Variants in WDR44 observed in about 807,000 individuals in gnomAD.
WDR44 encodes WD repeat domain 44.
WDR44 carries 9 observed loss-of-function variants against 65.7 expected under a neutral mutation model. The observed-to-expected ratio is 0.14, with a 90% CI of 0.08 to 0.24. The LOEUF is 0.24. WDR44 is among the 10% of genes least tolerant of loss of function. WDR44 has a pLI of 1.00. For missense variants in WDR44, 425 were observed against 670.9 expected, an observed-to-expected ratio of 0.63 and a Z score of 4.05; for synonymous variants, 220 against 235.2, an observed-to-expected ratio of 0.94 and a Z score of 0.59.
intron 12 of WDR44, among the ~76,000 whole-genome samples, chrX:118,412,473 A>G (rs1302977979): frequency 9.0e-6 from 1 of 111,394 alleles, no homozygotes; most frequent in African/African-American, 3.3e-5. Flanking sequence ...TGAGACAGGG[A>G]GACCATGTAA....
intron 8 of WDR44, among the ~76,000 whole-genome samples, chrX:118,403,215 GA>G (rs758782574): frequency 8.9e-6 from 1 of 111,978 alleles, no homozygotes; most frequent in Non-Finnish European, 1.9e-5. Context: ...GACCATGGTT[GA>G]CTGGGGTAAC....
chrX:118,419,504 C>T (rs942266592), intron 12 of WDR44, among the ~76,000 whole-genome samples: 4 of 112,278 alleles, frequency 3.6e-5, no homozygotes, highest in Non-Finnish European at 7.5e-5. Context: ...CCCACTTCTG[C>T]AGTTTGGGCA....
In WDR44 at chrX:118,380,706, C is replaced by G. The variant is rs746169711; in HGVS notation, c.111+2254C>G. The stretch of plus-strand genomic sequence containing the variant: ...CAGTCTGATGGAAGAGACATGTATA[C>G]AAAAGGGCAATTTATGAGGTCTCGA... On this transcript the variant is annotated intron_variant, in intron 2 of 19. Transcript: ENST00000254029. 4.5e-5 allele frequency among the ~76,000 whole-genome samples: 5 copies of G among 111,596 alleles called. No homozygotes were observed. In the East Asian group the frequency reaches 1.4e-3, roughly 31 times the overall value.
chrX:118,379,981 A>G (rs2056700172), intron 2 of WDR44, among the ~76,000 whole-genome samples: 1 of 111,583 alleles, frequency 9.0e-6, no homozygotes, highest in Non-Finnish European at 1.9e-5. Flanking sequence ...TAGCGCTAAG[A>G]TATTTTTATA....
At chrX:118,403,360 A>C (rs2056936244) in intron 8 of WDR44, among the ~76,000 whole-genome samples, 1 of 111,305 alleles carries the variant, frequency 9.0e-6, no homozygotes, top group Non-Finnish European at 1.9e-5. Context: ...GCCAAGGGAG[A>C]GGTGTTCCAG....
intron 1 of WDR44, among the ~76,000 whole-genome samples, chrX:118,367,603 T>G (rs893119701): frequency 1.8e-5 from 2 of 111,785 alleles, no homozygotes; most frequent in African/African-American, 3.3e-5. Context: ...GAAACTTGGG[T>G]CCTAGTCTTC....
At chrX:118,443,796 G>GTGCTGGGATTA in intron 18 of WDR44, 109 bp downstream of exon 18, 1 of 845,576 alleles carries the variant, frequency 1.2e-6, no homozygotes, top group Non-Finnish European at 1.6e-6. Flanking sequence ...TGTAATCCCA[G>GTGCTGGGATTA]CACTTTGGGA....
chrX:118,447,476 T>A (rs1235130168), intron 19 of WDR44, among the ~76,000 whole-genome samples: 3 of 111,585 alleles, frequency 2.7e-5, no homozygotes, highest in Admixed American at 9.6e-5. Context: ...TCACAAAATA[T>A]ATTCAATTCC....
intron 19 of WDR44, among the ~76,000 whole-genome samples, chrX:118,448,656 A>G (rs1345982240): frequency 9.0e-6 from 1 of 111,427 alleles, no homozygotes; most frequent in Non-Finnish European, 1.9e-5. Flanking sequence ...AGAGACTGTA[A>G]TATCCTCAAG....
At chrX:118,403,270 A>G (rs926093815) in intron 8 of WDR44, among the ~76,000 whole-genome samples, 2 of 112,049 alleles carry the variant, frequency 1.8e-5, no homozygotes, top group African/African-American at 3.2e-5. Flanking sequence ...GGGACTATGT[A>G]ACAAAAACTC....
At position 118,442,570 on chromosome X, in the gene WDR44, G is replaced by A. The variant is rs2057312578; in HGVS notation, c.2274G>A (p.Leu758=). The A allele has an allele frequency of 8.3e-7, 1 of 1,201,134 alleles. No homozygotes were observed. The highest frequency in any genetic ancestry group is 1.1e-6 in the Non-Finnish European group (1 of 888,770). ...IEPLPGENKI[L]VTSNDSRIRL... is the part of the protein sequence containing the mutation. ...TTCATTTGATCTACTTTTAGATATT[G>A]GTAACCTCAAATGACTCCAGAATCA... The change falls in exon 17 of 20, where the codon TTG becomes TTA. Residue 758 remains leucine (L), a synonymous_variant. Coordinates refer to ENST00000254029, the MANE Select transcript of WDR44 (RefSeq NM_019045.5).
At chrX:118,377,485 A>G (rs1422876122) in intron 1 of WDR44, among the ~76,000 whole-genome samples, 1 of 111,817 alleles carries the variant, frequency 8.9e-6, no homozygotes, top group Non-Finnish European at 1.9e-5. Context: ...TAAAACACCA[A>G]TGAGATATAC....
intron 5 of WDR44, among the ~76,000 whole-genome samples, chrX:118,394,527 A>G (rs182903039): frequency 8.9e-6 from 1 of 111,788 alleles, no homozygotes; most frequent in Non-Finnish European, 1.9e-5. Context: ...AACACCAACT[A>G]TAGTCTATGT....
Position 118,449,710 on chromosome X carries a change from G to A in WDR44, c.*723G>A, listed in dbSNP as rs767989290. 1 of 111,352 alleles carries A rather than the reference G, an allele frequency of 9.0e-6. No homozygotes were observed. Among genetic ancestry groups the A allele is most frequent in the East Asian group, 2.8e-4 (1 of 3,591 alleles). The allele number at this position is 111,352 out of a possible 1,213,427, so 9.2% of individuals were successfully genotyped here. A position where few individuals can be genotyped will look rare whatever the true frequency, so the allele number is the denominator to read the frequency against. On this transcript the variant is annotated 3_prime_UTR_variant, in exon 20 of 20. Coordinates refer to ENST00000254029, the MANE Select transcript of WDR44 (RefSeq NM_019045.5). ...TTAAAAAAAAATTAAGCCACATTAA[G>A]GAGTGAGTCTTCTTTTTTACAATAA...
chrX:118,360,758 TA>T (rs1462605388), intron 1 of WDR44, among the ~76,000 whole-genome samples: 1 of 112,187 alleles, frequency 8.9e-6, no homozygotes, highest in Non-Finnish European at 1.9e-5. Flanking sequence ...ATCTTACTTT[TA>T]TATTTTCTTT....
At position 118,428,433 on chromosome X, in the gene WDR44, C is replaced by A. The variant is rs192747093; in HGVS notation, c.1738-4348C>A. 5.8e-3 allele frequency among the ~76,000 whole-genome samples: 644 copies of A among 111,289 alleles called. 3 individuals are homozygous for A. The highest frequency in any genetic ancestry group is 0.02 in the African/African-American group (609 of 30,654). ...GGGATTACAGGGACGAACTACCGTG[C>A]CTGGCCCTATAAATATTTATAGATA... On this transcript the variant is annotated intron_variant, in intron 12 of 19. Transcript: ENST00000254029.
chrX:118,396,694 G>A (rs1272457728), intron 6 of WDR44, among the ~76,000 whole-genome samples: 1 of 111,908 alleles, frequency 8.9e-6, no homozygotes, highest in Non-Finnish European at 1.9e-5. Context: ...CTAATGGGTA[G>A]GGAATTTCCT....
At chrX:118,428,135 A>G (rs1032775629) in intron 12 of WDR44, among the ~76,000 whole-genome samples, 1 of 109,618 alleles carries the variant, frequency 9.1e-6, no homozygotes, top group Non-Finnish European at 1.9e-5. Context: ...TAAAAATACA[A>G]AAAGTAGCCA....
intron 1 of WDR44, among the ~76,000 whole-genome samples, chrX:118,359,801 A>C (rs1427022809): frequency 8.9e-6 from 1 of 112,370 alleles, no homozygotes; most frequent in Non-Finnish European, 1.9e-5. Flanking sequence ...ATGTCCTTTC[A>C]AAAGGTAATA....
Sources: gnomAD v4.1 joint callset for allele counts (sites outside exome capture counted in the v4.1 genomes callset) on GRCh38, gnomAD v4.1.1 for gene constraint, MANE v1.5 for transcripts, NCBI Gene and HGNC (gene_info 2026-07-23, HGNC 2026-07-21) for gene names.